ARHGAP6: variants seen among roughly 807,000 people sequenced by gnomAD.
The protein encoded by ARHGAP6 is Rho GTPase activating protein 6, also known as rho GTPase-activating protein 6.
Under a neutral mutation model 55.7 loss-of-function variants are expected in ARHGAP6, and 16 were observed. That is an observed-to-expected ratio of 0.29 (90% CI 0.19 to 0.44). The LOEUF is 0.44. ARHGAP6 is among the 20% of genes least tolerant of loss of function. The pLI, the probability that ARHGAP6 is intolerant of heterozygous loss-of-function variation, is 1.00. For synonymous variants in ARHGAP6, 382 were observed against 360.9 expected, an observed-to-expected ratio of 1.06 and a Z score of -0.66; for missense variants, 698 against 808.9, an observed-to-expected ratio of 0.86 and a Z score of 1.66.
chrX:11,255,945 G>A (rs909282498), intron 1 of ARHGAP6, among the ~76,000 whole-genome samples: 1 of 112,233 alleles, frequency 8.9e-6, no homozygotes, highest in Non-Finnish European at 1.9e-5. Context: ...CATGTATCAG[G>A]CATGCTGCAA....
chrX:11,592,553 T>G (rs1391034381), intron 1 of ARHGAP6, among the ~76,000 whole-genome samples: 1 of 111,312 alleles, frequency 9.0e-6, no homozygotes, highest in Non-Finnish European at 1.9e-5. Flanking sequence ...ATATTGCTGG[T>G]ATATAATATA....
rs755381289 is a variant in ARHGAP6, at chrX:11,138,833, G to A, written c.*30C>T. 8.6e-6 allele frequency: 10 copies of A among 1,157,832 alleles called. No homozygotes were observed. Among genetic ancestry groups the A allele is most frequent in the Middle Eastern group, 3.3e-4 (1 of 3,052 alleles). ...CCCTGGGCTGGAGGGCGGGGGGCTC[G>A]GGGCAGGGGGGGCTCGGCTGGGTGC... On this transcript the variant is annotated 3_prime_UTR_variant, in exon 13 of 13. Coordinates refer to ENST00000337414, the MANE Select transcript of ARHGAP6 (RefSeq NM_013427.3).
At chrX:11,503,842 GCA>G (rs759110553) in intron 1 of ARHGAP6, among the ~76,000 whole-genome samples, 13 of 103,442 alleles carry the variant, frequency 1.3e-4, no homozygotes, top group Middle Eastern at 4.9e-3. Flanking sequence ...ATATCCATTT[GCA>G]CACACACACA....
chrX:11,503,044 C>A (rs375588348), intron 1 of ARHGAP6, among the ~76,000 whole-genome samples: 2 of 110,452 alleles, frequency 1.8e-5, no homozygotes, highest in Admixed American at 9.7e-5. Flanking sequence ...TACAGACGTG[C>A]GCCACCACGT....
At chrX:11,650,212 G>A (rs1006195994) in intron 1 of ARHGAP6, among the ~76,000 whole-genome samples, 1 of 110,496 alleles carries the variant, frequency 9.1e-6, no homozygotes, top group African/African-American at 3.3e-5. Context: ...ACCCAGGCTG[G>A]TCTCAAACTT....
At chrX:11,301,261 T>C (rs547382408) in intron 1 of ARHGAP6, among the ~76,000 whole-genome samples, 1 of 112,255 alleles carries the variant, frequency 8.9e-6, no homozygotes, top group Middle Eastern at 4.6e-3. Context: ...TAATTTGTTT[T>C]CCTCAAAAAA....
At chrX:11,466,360 A>G (rs1366620270) in intron 1 of ARHGAP6, among the ~76,000 whole-genome samples, 2 of 111,495 alleles carry the variant, frequency 1.8e-5, no homozygotes, top group Non-Finnish European at 3.8e-5. Context: ...CAAAACCAGA[A>G]GAGGACAACT....
At chrX:11,412,832 T>C (rs1385647109) in intron 1 of ARHGAP6, among the ~76,000 whole-genome samples, 2 of 112,645 alleles carry the variant, frequency 1.8e-5, no homozygotes, top group Non-Finnish European at 3.7e-5. Flanking sequence ...CCTTGGTCAA[T>C]GTGACAAATA....
At chrX:11,216,265 A>G (rs2046881201) in intron 2 of ARHGAP6, among the ~76,000 whole-genome samples, 1 of 111,259 alleles carries the variant, frequency 9.0e-6, no homozygotes, top group Admixed American at 9.5e-5. Flanking sequence ...ATTGATAAGC[A>G]GCGGAAAAGA....
intron 2 of ARHGAP6, among the ~76,000 whole-genome samples, chrX:11,252,036 C>T (rs1569273496): frequency 3.6e-5 from 4 of 112,131 alleles, no homozygotes; most frequent in South Asian, 3.7e-4. Flanking sequence ...TCAAACATTT[C>T]GATAGCACAA....
chrX:11,639,401 C>T (rs5979447), intron 1 of ARHGAP6, among the ~76,000 whole-genome samples: 37,652 of 107,559 alleles, frequency 0.35, 5,444 homozygotes, highest in African/African-American at 0.52. Flanking sequence ...TGTGATGTTC[C>T]CTTCCCTGTT....
chrX:11,357,592 A>T (rs1480642583), intron 1 of ARHGAP6, among the ~76,000 whole-genome samples: 15 of 111,529 alleles, frequency 1.3e-4, no homozygotes, highest in Non-Finnish European at 2.8e-4. Context: ...ATTCAAACAG[A>T]TGTAGTACTT....
At chrX:11,169,418 AG>A (rs1239501466) in intron 9 of ARHGAP6, 86 bp downstream of exon 9, 7 of 931,862 alleles carry the variant, frequency 7.5e-6, no homozygotes, top group Non-Finnish European at 8.7e-6. Context: ...TGCACCCCAG[AG>A]GGTGGTCTAC....
At chrX:11,173,038 C>A (rs2046116607) in intron 8 of ARHGAP6, among the ~76,000 whole-genome samples, 1 of 112,040 alleles carries the variant, frequency 8.9e-6, no homozygotes, top group Non-Finnish European at 1.9e-5. Context: ...GAAACAGCTG[C>A]TGCTGTTGTC....
At chrX:11,288,939 A>T (rs377468679) in intron 1 of ARHGAP6, among the ~76,000 whole-genome samples, 23 of 112,414 alleles carry the variant, frequency 2.0e-4, no homozygotes, top group African/African-American at 7.4e-4. Flanking sequence ...TATTTTACCC[A>T]ATAAACAGGA....
intron 1 of ARHGAP6, among the ~76,000 whole-genome samples, chrX:11,425,437 A>G (rs1166167794): frequency 8.9e-6 from 1 of 112,486 alleles, no homozygotes; most frequent in African/African-American, 3.2e-5. Flanking sequence ...GTCGCACTTA[A>G]TAAAGAACAT....
At chrX:11,215,676 G>T (rs1423188728) in intron 2 of ARHGAP6, among the ~76,000 whole-genome samples, 1 of 112,872 alleles carries the variant, frequency 8.9e-6, no homozygotes, top group Non-Finnish European at 1.9e-5. Context: ...AGAAGCCTGC[G>T]AAGGCCTCAC....
intron 1 of ARHGAP6, among the ~76,000 whole-genome samples, chrX:11,295,632 C>G: frequency 1.8e-5 from 2 of 110,945 alleles, no homozygotes; most frequent in Non-Finnish European, 3.8e-5. Flanking sequence ...CTCTTCCTCT[C>G]TCACCCACAA....
intron 1 of ARHGAP6, among the ~76,000 whole-genome samples, chrX:11,414,775 C>A (rs1479261635): frequency 8.9e-6 from 1 of 111,780 alleles, no homozygotes; most frequent in East Asian, 2.8e-4. Flanking sequence ...ATATATTTTT[C>A]TTTCATTCAT....
Sources: gnomAD v4.1 joint callset for allele counts (sites outside exome capture counted in the v4.1 genomes callset) on GRCh38, gnomAD v4.1.1 for gene constraint, MANE v1.5 for transcripts, NCBI Gene and HGNC (gene_info 2026-07-23, HGNC 2026-07-21) for gene names.